Variants in PSMA6 observed in about 807,000 individuals in gnomAD.
The protein encoded by PSMA6 is proteasome subunit alpha type-6.
For missense variants in PSMA6, 170 were observed against 294.8 expected (o/e 0.58, Z 3.10); for synonymous variants, 88 against 97.7 (o/e 0.90, Z 0.59).
chr14:35,306,885 G>A (rs561643667), intron 1 of PSMA6, among the ~76,000 whole-genome samples: 13 of 152,164 alleles, frequency 8.5e-5, no homozygotes, highest in African/African-American at 2.4e-4. Flanking sequence ...GGTGGCTCAC[G>A]CCTGTAATCC....
chr14:35,312,091 C>A (rs1053687109), intron 4 of PSMA6, among the ~76,000 whole-genome samples: 3 of 151,436 alleles, frequency 2.0e-5, no homozygotes, highest in Non-Finnish European at 4.4e-5. Context: ...TTGGGCCAGG[C>A]ACAGTGGTGC....
chr14:35,281,239 CA>C (rs1441352114), intron 1 of PSMA6, among the ~76,000 whole-genome samples: 2 of 152,184 alleles, frequency 1.3e-5, no homozygotes, highest in Non-Finnish European at 2.9e-5. Flanking sequence ...TGAGTAGCCA[CA>C]AACCATTCCA....
At chr14:35,287,581 C>T (rs925826064), upstream of PSMA6, among the ~76,000 whole-genome samples, 1 of 152,180 alleles carries the variant, frequency 6.6e-6, no homozygotes. Flanking sequence ...GTAACCCTTA[C>T]CTTCCACCTA....
intron 5 of PSMA6, chr14:35,313,833 C>T (rs959446194): frequency 4.6e-5 from 7 of 152,432 alleles, no homozygotes; most frequent in African/African-American, 1.7e-4. Flanking sequence ...GTGGCAGGCG[C>T]CTGTAATTCC....
intron 4 of PSMA6, among the ~76,000 whole-genome samples, chr14:35,312,280 G>A (rs1367349749): frequency 1.3e-5 from 2 of 151,802 alleles, no homozygotes; most frequent in Non-Finnish European, 1.5e-5. Context: ...GACGAGGCAG[G>A]TGGATCACAA....
chr14:35,278,584 A>C, upstream of PSMA6: 1 of 998,500 alleles, frequency 1.0e-6, no homozygotes, highest in Non-Finnish European at 1.5e-6. Flanking sequence ...ATAGGATGCC[A>C]GTGGAATTCC....
intron 1 of PSMA6, among the ~76,000 whole-genome samples, chr14:35,282,698 G>A (rs2051379273): frequency 6.6e-6 from 1 of 151,934 alleles, no homozygotes; most frequent in African/African-American, 2.4e-5. Context: ...CTACAAAAAA[G>A]ACAAAAATTA....
chr14:35,314,486 A>G, intron 6 of PSMA6, 31 bp downstream of exon 6: 1 of 1,596,658 alleles, frequency 6.3e-7, no homozygotes, highest in African/African-American at 1.3e-5. Context: ...CATGCAGACT[A>G]GAAAGGTGGA....
chr14:35,291,136 C>G (rs113269152), upstream of PSMA6, among the ~76,000 whole-genome samples: 1,776 of 152,074 alleles, frequency 0.012, 31 homozygotes, highest in African/African-American at 0.041. Context: ...GGACTACTGG[C>G]GCGCGCCACC....
intron 1 of PSMA6, among the ~76,000 whole-genome samples, chr14:35,301,450 C>G (rs1202016582): frequency 6.6e-6 from 1 of 151,426 alleles, no homozygotes; most frequent in Non-Finnish European, 1.5e-5. Flanking sequence ...GAGGTTGCGG[C>G]GAGCCAAGAT....
chr14:35,293,711 A>G (rs1465489351), intron 1 of PSMA6, among the ~76,000 whole-genome samples: 2 of 152,238 alleles, frequency 1.3e-5, no homozygotes, highest in Non-Finnish European at 2.9e-5. Context: ...GAAAAACATG[A>G]TTAAAGATAG....
At chr14:35,291,823 C>CA (rs113987343), upstream of PSMA6, among the ~76,000 whole-genome samples, 2,070 of 45,924 alleles carry the variant, frequency 0.045, 44 homozygotes, top group East Asian at 0.085. Context: ...AACTCTGTCT[C>CA]AAAAAAAAAA....
intron 1 of PSMA6, among the ~76,000 whole-genome samples, chr14:35,307,724 ACT>A (rs139122601): frequency 0.058 from 8,805 of 152,190 alleles, 332 homozygotes; most frequent in Middle Eastern, 0.11. Flanking sequence ...ACAGAGCGAG[ACT>A]CTGTTTAAAA....
At chr14:35,282,709 G>T (rs2051379358) in intron 1 of PSMA6, among the ~76,000 whole-genome samples, 4 of 152,036 alleles carry the variant, frequency 2.6e-5, no homozygotes, top group Non-Finnish European at 5.9e-5. Context: ...ACAAAAATTA[G>T]CTGGGCACGG....
intron 6 of PSMA6, chr14:35,314,947 A>ATATGTGTG (rs1555338345): frequency 7.1e-6 from 1 of 141,122 alleles, no homozygotes; most frequent in Non-Finnish European, 1.5e-5. Flanking sequence ...CAGTTGCTGG[A>ATATGTGTG]TGTGTGTGTG....
intron 4 of PSMA6, among the ~76,000 whole-genome samples, chr14:35,312,506 CAAAAAAAAAAAAAA>C (rs200184285): frequency 2.0e-5 from 2 of 100,212 alleles, no homozygotes; most frequent in Non-Finnish European, 1.9e-5. Flanking sequence ...GAGTCTGTCT[CAAAAAAAAAAAAAA>C]AAAAAAAAAA....
At chr14:35,317,005 A>C in intron 6 of PSMA6, 1 of 378,438 alleles carries the variant, frequency 2.6e-6, no homozygotes, top group Non-Finnish European at 4.7e-6. Flanking sequence ...ATACAATTCT[A>C]AATCTGATGT....
chr14:35,285,230 C>T (rs1360850722), intron 1 of PSMA6, among the ~76,000 whole-genome samples: 7 of 151,830 alleles, frequency 4.6e-5, no homozygotes, highest in African/African-American at 1.7e-4. Context: ...CCTGTAGTCC[C>T]AGCTACTTGG....
At chr14:35,284,864 G>A (rs2051403943) in intron 1 of PSMA6, among the ~76,000 whole-genome samples, 1 of 152,140 alleles carries the variant, frequency 6.6e-6, no homozygotes. Flanking sequence ...TGTGGTAACT[G>A]GGATAAAACT....
Sources: allele counts gnomAD v4.1 joint callset (sites outside exome capture counted in the v4.1 genomes callset), GRCh38; gene constraint gnomAD v4.1.1; transcripts MANE v1.5; gene names NCBI Gene and HGNC (gene_info 2026-07-23, HGNC 2026-07-21).